The following TOR1AIP2 variants were observed in gnomAD, a reference collection of about 807,000 sequenced individuals.
TOR1AIP2 encodes the protein torsin 1A interacting protein 2, also known as torsin-1A-interacting protein 2.
TOR1AIP2 carries 20 observed loss-of-function variants against 32.6 expected under a neutral mutation model. The ratio of observed to expected loss-of-function variants is 0.61; its 90% CI spans 0.43 to 0.89. TOR1AIP2 has a LOEUF of 0.89. TOR1AIP2 is among the 40% of genes least tolerant of loss of function. The pLI, the probability that TOR1AIP2 is intolerant of heterozygous loss-of-function variation, is 0.00. For missense variants in TOR1AIP2, 456 were observed against 553.8 expected (o/e 0.82, Z 1.77); for synonymous variants, 214 against 210.8 (o/e 1.02, Z -0.13).
At chr1:179,851,856 A>G (rs1159733011) in intron 4 of TOR1AIP2, among the ~76,000 whole-genome samples, 2 of 152,220 alleles carry the variant, frequency 1.3e-5, no homozygotes, top group Admixed American at 1.3e-4. Context: ...CTAAACTTAA[A>G]TCTGGTAAGT....
At chr1:179,847,499 G>T in intron 6 of TOR1AIP2, 36 bp downstream of exon 6, 2 of 1,375,996 alleles carry the variant, frequency 1.5e-6, no homozygotes, top group Non-Finnish European at 2.1e-6. Context: ...TTCTGAAAGT[G>T]AATCAACACT....
At chr1:179,856,300 A>G (rs1571670872) in intron 3 of TOR1AIP2, among the ~76,000 whole-genome samples, 1 of 152,370 alleles carries the variant, frequency 6.6e-6, no homozygotes, top group South Asian at 2.1e-4. Flanking sequence ...GCAAACAAAC[A>G]GAACTGAAGG....
rs966573830 is a variant in TOR1AIP2, at chr1:179,841,948, C to T, written c.*4123G>A. The T allele has an allele frequency of 6.6e-6, 1 of 152,222 alleles. No homozygotes were observed. The highest frequency in any genetic ancestry group is 1.5e-5 in the Non-Finnish European group (1 of 68,076). 9.4% of individuals were successfully genotyped at this position (152,222 alleles called of 1,614,324 possible). A position where few individuals can be genotyped will look rare whatever the true frequency, so the allele number is the denominator to read the frequency against. ...AGTCGCGGTGGCTCACGCCTGTAATCCCAGCACTTTGGGAGGCCGAGGCGG... is the reference window on the plus strand; with the variant it reads ...AGTCGCGGTGGCTCACGCCTGTAATTCCAGCACTTTGGGAGGCCGAGGCGG... On this transcript the variant is annotated 3_prime_UTR_variant, in exon 7 of 7. Transcript: ENST00000609928.
At position 179,854,786 on chromosome 1, in the gene TOR1AIP2, G is replaced by A. The variant is rs906872946; in HGVS notation, c.-146-1975C>T. 5.9e-5 allele frequency among the ~76,000 whole-genome samples: 9 copies of A among 152,272 alleles called. No homozygotes were observed. In the South Asian group the frequency reaches 1.5e-3, roughly 25 times the overall value. On this transcript the variant is annotated intron_variant, in intron 3 of 6. Coordinates refer to ENST00000609928, the MANE Select transcript of TOR1AIP2 (RefSeq NM_001199260.2). Reference sequence around the variant, plus strand: ...CTCAGGAGGCTGAGGCAAGAGAATCGTTTGAACCCGGGAGGCAGAGGTTGC... The same window carrying A: ...CTCAGGAGGCTGAGGCAAGAGAATCATTTGAACCCGGGAGGCAGAGGTTGC...
Position 179,850,801 on chromosome 1 carries a change from C to T in TOR1AIP2, c.553+44G>A, listed in dbSNP as rs374345176. The T allele has an allele frequency of 3.1e-5, 48 of 1,570,032 alleles. No homozygotes were observed. The African/African-American group carries it at 6.0e-4, about 20-fold the overall frequency. Reference sequence around the variant, plus strand: ...TGACTTCTGCTGTGTTCTCAGTTAACAGAGCAGTACAAAACAGGAGAGTAG... The same window carrying T: ...TGACTTCTGCTGTGTTCTCAGTTAATAGAGCAGTACAAAACAGGAGAGTAG... On this transcript the variant is annotated intron_variant, in intron 5 of 6. Coordinates refer to ENST00000609928, the MANE Select transcript of TOR1AIP2 (RefSeq NM_001199260.2).
At chr1:179,870,356 G>A (rs1193705084) in intron 2 of TOR1AIP2, among the ~76,000 whole-genome samples, 1 of 151,530 alleles carries the variant, frequency 6.6e-6, no homozygotes, top group Admixed American at 6.6e-5. Flanking sequence ...CCAAGATCGC[G>A]CCACTGCACT....
intron 4 of TOR1AIP2, among the ~76,000 whole-genome samples, chr1:179,852,139 G>C (rs1696136890): frequency 6.6e-6 from 1 of 152,074 alleles, no homozygotes; most frequent in Non-Finnish European, 1.5e-5. Flanking sequence ...AATTCACTGG[G>C]TGTGGTGGCA....
In TOR1AIP2 at chr1:179,844,676, T is replaced by C. The variant is rs749644349; in HGVS notation, c.*1395A>G. On this transcript the variant is annotated 3_prime_UTR_variant, in exon 7 of 7. Coordinates refer to ENST00000609928, the MANE Select transcript of TOR1AIP2 (RefSeq NM_001199260.2). ...AAAACCTCTGAGAATCTACCCACCA[T>C]TTCTGCTTCCTCTCACTAAGTATAA... The C allele has an allele frequency of 6.6e-5, 10 of 152,222 alleles. No individual in the cohort carries two copies. The highest frequency in any genetic ancestry group is 1.5e-4 in the Non-Finnish European group (10 of 68,032). The allele number at this position is 152,222 out of a possible 1,614,324, so 9.4% of individuals were successfully genotyped here. A position where few individuals can be genotyped will look rare whatever the true frequency, so the allele number is the denominator to read the frequency against.
At chr1:179,854,447 A>G (rs1194536020) in intron 3 of TOR1AIP2, among the ~76,000 whole-genome samples, 3 of 152,214 alleles carry the variant, frequency 2.0e-5, no homozygotes, top group Non-Finnish European at 2.9e-5. Context: ...AAGTTTTTTG[A>G]TTATTGTTGG....
At chr1:179,874,642 A>G (rs1451473479) in intron 2 of TOR1AIP2, 1 of 152,158 alleles carries the variant, frequency 6.6e-6, no homozygotes, top group African/African-American at 2.4e-5. Flanking sequence ...GTGTGCCTGT[A>G]GTCTCAGCTA....
At chr1:179,858,461 G>T (rs1361321755) in intron 3 of TOR1AIP2, among the ~76,000 whole-genome samples, 1 of 151,858 alleles carries the variant, frequency 6.6e-6, no homozygotes, top group African/African-American at 2.4e-5. Context: ...GAGGTAAATG[G>T]GATAAAATGT....
intron 3 of TOR1AIP2, chr1:179,864,867 G>A (rs1232717251): frequency 1.9e-6 from 3 of 1,613,954 alleles, no homozygotes; most frequent in South Asian, 1.1e-5. Context: ...CCAGCTACTC[G>A]AGAGTCATGT....
intron 3 of TOR1AIP2, 167 bp downstream of exon 3, chr1:179,865,269 T>G (rs944416789): frequency 6.9e-7 from 1 of 1,450,812 alleles, no homozygotes; most frequent in Middle Eastern, 1.8e-4. Flanking sequence ...ATTACAGGTT[T>G]CGTTTACCAA....
In TOR1AIP2 at chr1:179,843,425, G is replaced by A. The variant is rs142580876; in HGVS notation, c.*2646C>T. On this transcript the variant is annotated 3_prime_UTR_variant, in exon 7 of 7. Transcript: ENST00000609928. ...GGAGGCTGAGGCACAAGAATCACTTGAACCCAGGAGGTGTAGGTTACAGTG... is the reference window on the plus strand; with the variant it reads ...GGAGGCTGAGGCACAAGAATCACTTAAACCCAGGAGGTGTAGGTTACAGTG... 796 of 148,376 alleles carry A rather than the reference G, an allele frequency of 5.4e-3. 8 individuals are homozygous for A. The highest frequency in any genetic ancestry group is 0.021 in the South Asian group (99 of 4,710). 9.2% of individuals were successfully genotyped at this position (148,376 alleles called of 1,614,324 possible). A position where few individuals can be genotyped will look rare whatever the true frequency, so the allele number is the denominator to read the frequency against.
rs1331241500 is a variant in TOR1AIP2 at position 179,846,434 on chromosome 1, C to A, written c.1050G>T (p.Glu350Asp). The A allele has an allele frequency of 6.2e-7, 1 of 1,614,192 alleles. No individual in the cohort carries two copies. The highest frequency in any genetic ancestry group is 1.7e-5 in the Admixed American group (1 of 60,030). Residue 350 changes from glutamate to aspartate, a missense_variant, in exon 7 of 7, where the codon GAG becomes GAT. By Grantham distance (45) the Glu-to-Asp change is conservative (BLOSUM62 2). Transcript: ENST00000609928. Reference protein sequence around the residue: ...SDTVKLLVDLELSYGFENGQK... With the variant: ...SDTVKLLVDLDLSYGFENGQK... ...GGCCATTCTCAAACCCATAGCTCAG[C>A]TCCAGGTCAACCAACAGCTTGACCG...
At position 179,851,177 on chromosome 1, in the gene TOR1AIP2, T is replaced by C. The variant is rs1696102366; in HGVS notation, c.221A>G (p.Asp74Gly). The change falls in exon 5 of 7, where the codon GAT (aspartate) becomes GGT (glycine). Residue 74 changes from aspartate (D) to glycine (G), a missense_variant. By Grantham distance (94) the Asp-to-Gly change is moderately conservative. Coordinates refer to ENST00000609928, the MANE Select transcript of TOR1AIP2 (RefSeq NM_001199260.2). Reference sequence around the variant, plus strand: ...TGGATGTTTCCCCACATTTGCTTCATCTGGACTTTCTGATTTATCACCTGT... The same window carrying C: ...TGGATGTTTCCCCACATTTGCTTCACCTGGACTTTCTGATTTATCACCTGT... ...ADTGDKSESP[D>G]EANVGKHPKD... The C allele has an allele frequency of 6.2e-7, 1 of 1,614,044 alleles. No homozygotes were observed. Among genetic ancestry groups the C allele is most frequent in the South Asian group, 1.1e-5 (1 of 91,084 alleles).
At chr1:179,852,263 T>TAAA (rs772686671) in intron 4 of TOR1AIP2, among the ~76,000 whole-genome samples, 1 of 89,574 alleles carries the variant, frequency 1.1e-5, no homozygotes, top group Non-Finnish European at 2.4e-5. Context: ...CTGGGTAACA[T>TAAA]AAAAAAAAAA....
chr1:179,848,514 T>C (rs1696003246), intron 5 of TOR1AIP2, among the ~76,000 whole-genome samples: 1 of 152,066 alleles, frequency 6.6e-6, no homozygotes, highest in African/African-American at 2.4e-5. Context: ...TATGTAAAAA[T>C]CCAGATGTAG....
chr1:179,872,654 T>C (rs1281841871), intron 2 of TOR1AIP2, among the ~76,000 whole-genome samples: 1 of 152,236 alleles, frequency 6.6e-6, no homozygotes, highest in Non-Finnish European at 1.5e-5. Context: ...TACAGATATT[T>C]TCTGAGTGCA....
Sources: allele counts gnomAD v4.1 joint callset (sites outside exome capture counted in the v4.1 genomes callset), GRCh38; gene constraint gnomAD v4.1.1; transcripts MANE v1.5; gene names NCBI Gene and HGNC (gene_info 2026-07-23, HGNC 2026-07-21).